The following DAB1 variants were observed in gnomAD, a reference collection of about 807,000 sequenced individuals.
DAB1 encodes the protein disabled homolog 1.
DAB1 carries 15 observed loss-of-function variants against 64.6 expected under a neutral mutation model. That is an observed-to-expected ratio of 0.23 (90% confidence interval 0.16 to 0.36). The LOEUF (loss-of-function observed/expected upper bound fraction) is 0.36, where lower values mean the gene tolerates loss of function less well. Among genes scored for constraint, DAB1 ranks in the 10% least tolerant of loss-of-function variants. The pLI is 1.00. For missense variants in DAB1, 596 were observed against 706.7 expected (o/e 0.84, Z 1.78); for synonymous variants, 235 against 251.9 (o/e 0.93, Z 0.64).
At chr1:57,021,057 A>G (rs1035335010) in intron 11 of DAB1, among the ~76,000 whole-genome samples, 1 of 152,220 alleles carries the variant, frequency 6.6e-6, no homozygotes, top group African/African-American at 2.4e-5. Flanking sequence ...ATGGCCAGTT[A>G]AGGGAGAAAT....
intron 6 of DAB1, among the ~76,000 whole-genome samples, chr1:57,818,144 T>C (rs1651952562): frequency 6.6e-6 from 1 of 152,182 alleles, no homozygotes; most frequent in African/African-American, 2.4e-5. Flanking sequence ...AGCTAGATAA[T>C]ACTATAGAGT....
chr1:57,793,565 T>C (rs1398358077), intron 6 of DAB1, among the ~76,000 whole-genome samples: 5 of 151,798 alleles, frequency 3.3e-5, no homozygotes, highest in Non-Finnish European at 5.9e-5. Flanking sequence ...CTTTGGCCAA[T>C]ACTGACCAAT....
rs547604990 is a variant in DAB1 at position 57,186,774 on chromosome 1, T to C, written c.68-41345A>G. On this transcript the variant is annotated intron_variant, in intron 2 of 14. Coordinates refer to ENST00000371236, the MANE Select transcript of DAB1 (RefSeq NM_001365792.1). ...TTCATTAGCAGAATAAGACACTTTG[T>C]ATTCCAAGTGATGGCTTGTCTGGAG... 5.3e-5 allele frequency among the ~76,000 whole-genome samples: 8 copies of C among 152,350 alleles called. No individual in the cohort carries two copies. The East Asian group carries it at 1.5e-3, about 29-fold the overall frequency.
At chr1:57,874,722 G>T (rs1416837983) in intron 1 of DAB1, among the ~76,000 whole-genome samples, 1 of 152,164 alleles carries the variant, frequency 6.6e-6, no homozygotes, top group Non-Finnish European at 1.5e-5. Flanking sequence ...ATGCTCAGAA[G>T]AGTGATGGTC....
intron 7 of DAB1, among the ~76,000 whole-genome samples, chr1:57,503,416 C>G (rs1644312524): frequency 6.6e-6 from 1 of 152,192 alleles, no homozygotes; most frequent in Non-Finnish European, 1.5e-5. Flanking sequence ...CTAAAAATCT[C>G]CCCTGGACCT....
intron 7 of DAB1, among the ~76,000 whole-genome samples, chr1:57,645,142 T>A (rs908425871): frequency 4.6e-5 from 7 of 152,068 alleles, no homozygotes; most frequent in Admixed American, 1.3e-4. Context: ...CTCCCTTCTA[T>A]CCTCCTATAC....
At chr1:58,484,124 CAGTG>C (rs1645535651) in intron 3 of DAB1, among the ~76,000 whole-genome samples, 1 of 152,202 alleles carries the variant, frequency 6.6e-6, no homozygotes, top group Non-Finnish European at 1.5e-5. Context: ...TAGAACACCA[CAGTG>C]AGTAAGGTGC....
At chr1:58,237,084 C>A (rs1300193812) in intron 4 of DAB1, among the ~76,000 whole-genome samples, 3 of 152,060 alleles carry the variant, frequency 2.0e-5, no homozygotes, top group Admixed American at 2.0e-4. Flanking sequence ...GCCAGCTACT[C>A]CCATGTTTCC....
At chr1:58,520,785 T>C (rs1274957464) in intron 2 of DAB1, among the ~76,000 whole-genome samples, 5 of 152,046 alleles carry the variant, frequency 3.3e-5, no homozygotes, top group African/African-American at 1.2e-4. Context: ...GTATGTATAT[T>C]AAAGATACTT....
intron 6 of DAB1, among the ~76,000 whole-genome samples, chr1:57,768,947 C>T (rs1409493794): frequency 6.6e-6 from 1 of 152,016 alleles, no homozygotes; most frequent in Non-Finnish European, 1.5e-5. Flanking sequence ...TTGGCCACAC[C>T]CCCAACCAGA....
At chr1:57,483,002 T>C (rs1644043276) in intron 7 of DAB1, among the ~76,000 whole-genome samples, 1 of 152,072 alleles carries the variant, frequency 6.6e-6, no homozygotes, top group Non-Finnish European at 1.5e-5. Context: ...ACATATTACA[T>C]GAAATATTAG....
intron 2 of DAB1, among the ~76,000 whole-genome samples, chr1:57,171,105 T>C (rs993355009): frequency 2.0e-5 from 3 of 151,978 alleles, no homozygotes; most frequent in African/African-American, 7.3e-5. Context: ...GTTCCCAGAG[T>C]TGGAATTTCT....
chr1:57,105,827 G>A (rs1377951124), intron 4 of DAB1, among the ~76,000 whole-genome samples: 1 of 152,006 alleles, frequency 6.6e-6, no homozygotes, highest in Non-Finnish European at 1.5e-5. Flanking sequence ...TTTTATGAAT[G>A]ATGTGGTTTC....
Position 56,997,522 on chromosome 1 carries a change from A to C in DAB1, c.*622T>G, listed in dbSNP as rs1645674434. ...TTCACCCATATCTAAAAAAAGTCAA[A>C]AGCAATACAAAAATTTGTACACCTA... On this transcript the variant is annotated 3_prime_UTR_variant, in exon 15 of 15. Coordinates refer to ENST00000371236, the MANE Select transcript of DAB1 (RefSeq NM_001365792.1). The C allele has an allele frequency of 6.6e-6, 1 of 152,238 alleles. No homozygotes were observed. Among genetic ancestry groups the C allele is most frequent in the Admixed American group, 6.5e-5 (1 of 15,284 alleles). 9.4% of individuals were successfully genotyped at this position (152,238 alleles called of 1,614,324 possible).
At chr1:58,307,630 CAG>C (rs549240561) in intron 4 of DAB1, among the ~76,000 whole-genome samples, 9 of 152,178 alleles carry the variant, frequency 5.9e-5, no homozygotes, top group Admixed American at 5.9e-4. Flanking sequence ...TGTCTCAGGC[CAG>C]AGCTAAGTCT....
intron 3 of DAB1, among the ~76,000 whole-genome samples, chr1:58,379,233 A>G (rs1056563812): frequency 5.8e-4 from 89 of 152,248 alleles, no homozygotes; most frequent in Non-Finnish European, 1.6e-4. Context: ...TTCCATGGCT[A>G]TGACTATCTT....
intron 3 of DAB1, among the ~76,000 whole-genome samples, chr1:58,344,262 T>C (rs2100508199): frequency 6.6e-6 from 1 of 152,268 alleles, no homozygotes; most frequent in South Asian, 2.1e-4. Flanking sequence ...AGCAGGTGTC[T>C]TAAAGTGACC....
chr1:57,364,777 A>G (rs1679832675), intron 1 of DAB1, among the ~76,000 whole-genome samples: 1 of 151,442 alleles, frequency 6.6e-6, no homozygotes, highest in Non-Finnish European at 1.5e-5. Context: ...AGAAGTTACA[A>G]TGTGATTCCA....
At chr1:58,135,022 T>C (rs1159138934) in intron 5 of DAB1, among the ~76,000 whole-genome samples, 10 of 152,184 alleles carry the variant, frequency 6.6e-5, no homozygotes, top group Non-Finnish European at 1.0e-4. Flanking sequence ...TGGGTCATGC[T>C]GTCAGAAACC....
Sources: allele counts gnomAD v4.1 joint callset (sites outside exome capture counted in the v4.1 genomes callset), GRCh38; gene constraint gnomAD v4.1.1; transcripts MANE v1.5; gene names NCBI Gene and HGNC (gene_info 2026-07-23, HGNC 2026-07-21).